Variants in ESRRG observed in about 807,000 individuals in gnomAD.
ESRRG encodes the protein estrogen-related receptor gamma.
Under a neutral mutation model 44.0 loss-of-function variants are expected in ESRRG, and 13 were observed. The observed-to-expected ratio is 0.30, with a 90% confidence interval of 0.19 to 0.47. The LOEUF (loss-of-function observed/expected upper bound fraction) is 0.47, where lower values mean the gene tolerates loss of function less well. Ranked by LOEUF, ESRRG falls within the 20% of genes least tolerant of loss-of-function variation. The pLI is 1.00. For missense variants in ESRRG, 395 were observed against 580.6 expected, an observed-to-expected ratio of 0.68 and a Z score of 3.29; for synonymous variants, 215 against 214.6, an observed-to-expected ratio of 1.00 and a Z score of -0.02.
At chr1:217,044,154 G>A (rs1040179560) in intron 1 of ESRRG, among the ~76,000 whole-genome samples, 2 of 152,118 alleles carry the variant, frequency 1.3e-5, no homozygotes, top group African/African-American at 4.8e-5. Context: ...GAAGCTCAAG[G>A]CACGTCTTCT....
At chr1:216,605,659 T>C (rs1412003124) in intron 3 of ESRRG, among the ~76,000 whole-genome samples, 4 of 152,150 alleles carry the variant, frequency 2.6e-5, no homozygotes, top group African/African-American at 9.7e-5. Context: ...AAAAATTTTG[T>C]GTGGAACTCG....
At chr1:217,082,072 C>T (rs1259890883) in intron 1 of ESRRG, among the ~76,000 whole-genome samples, 9 of 152,210 alleles carry the variant, frequency 5.9e-5, no homozygotes, top group East Asian at 1.9e-4. Context: ...CTACCATCTT[C>T]TATGTCCAGC....
At chr1:216,724,383 G>T (rs532870892), upstream of ESRRG, among the ~76,000 whole-genome samples, 1 of 148,996 alleles carries the variant, frequency 6.7e-6, no homozygotes, top group Admixed American at 6.7e-5. Flanking sequence ...TTTTTGTAGG[G>T]AGAGCATTAC....
chr1:217,059,683 A>G (rs2151330579), intron 1 of ESRRG, among the ~76,000 whole-genome samples: 1 of 152,190 alleles, frequency 6.6e-6, no homozygotes, highest in Non-Finnish European at 1.5e-5. Flanking sequence ...TGCCAAAGGG[A>G]TCAAACCTGA....
At chr1:216,843,182 T>C (rs1285582633) in intron 2 of ESRRG, among the ~76,000 whole-genome samples, 7 of 152,050 alleles carry the variant, frequency 4.6e-5, no homozygotes, top group Non-Finnish European at 7.4e-5. Flanking sequence ...TACAATACTG[T>C]CCCAAGAAAG....
chr1:216,856,352 A>AACACACAC (rs5780935), intron 2 of ESRRG, among the ~76,000 whole-genome samples: 9,912 of 141,858 alleles, frequency 0.07, 385 homozygotes, highest in Non-Finnish European at 0.099. Flanking sequence ...TTCTCTCTTC[A>AACACACAC]ACACACACAC....
chr1:217,035,318 T>TGAA (rs2082695436), intron 1 of ESRRG, among the ~76,000 whole-genome samples: 1 of 23,142 alleles, frequency 4.3e-5, no homozygotes, highest in African/African-American at 1.6e-4. Context: ...AGACTCTGTC[T>TGAA]CAAAAAAAAA....
chr1:216,799,006 G>C (rs2094545130), intron 2 of ESRRG, among the ~76,000 whole-genome samples: 1 of 152,060 alleles, frequency 6.6e-6, no homozygotes, highest in African/African-American at 2.4e-5. Flanking sequence ...AAATGAAGAG[G>C]CTTGGCTATA....
At chr1:216,608,042 T>G (rs1346808261) in intron 3 of ESRRG, among the ~76,000 whole-genome samples, 2 of 152,210 alleles carry the variant, frequency 1.3e-5, no homozygotes, top group Non-Finnish European at 2.9e-5. Context: ...AAAATGGACT[T>G]CATAGTAATC....
intron 2 of ESRRG, among the ~76,000 whole-genome samples, chr1:216,756,217 A>G (rs1235030989): frequency 6.6e-6 from 1 of 152,022 alleles, no homozygotes; most frequent in Non-Finnish European, 1.5e-5. Flanking sequence ...TTCTCTTCCC[A>G]ATCTCATCAA....
intron 5 of ESRRG, among the ~76,000 whole-genome samples, chr1:216,528,399 A>G (rs1391107012): frequency 6.6e-6 from 1 of 152,204 alleles, no homozygotes; most frequent in Non-Finnish European, 1.5e-5. Flanking sequence ...TATATTTATA[A>G]GTAACCATTC....
At position 216,782,244 on chromosome 1, in the gene ESRRG, T is replaced by G. The variant is rs953936384; in HGVS notation, c.-13-104753A>C. 2.0e-5 allele frequency among the ~76,000 whole-genome samples: 3 copies of G among 152,044 alleles called. No homozygotes were observed. In the East Asian group the frequency reaches 5.8e-4, roughly 29 times the overall value. On this transcript the variant is annotated intron_variant, in intron 2 of 7. Transcript: ENST00000359162. ...TATCTGCCCTTTAAATCCCTTTTCT[T>G]TTTGGTCCAGGGACAGATTTGCACT...
rs1408766225 is a variant in ESRRG at position 216,549,827 on chromosome 1, T to A, written c.862+14392A>T. Among the ~76,000 whole-genome samples the A allele has an allele frequency of 2.0e-5, 3 of 152,288 alleles. No individual in the cohort carries two copies. In the South Asian group the frequency reaches 6.2e-4, roughly 32 times the overall value. ...ATACATGAGGATGGCATAAATCACC[T>A]GAAGAGTTCTTGATTGTTTTTGTTT... On this transcript the variant is annotated intron_variant, in intron 5 of 6. Transcript: ENST00000408911.
intron 4 of ESRRG, among the ~76,000 whole-genome samples, chr1:216,565,439 C>T (rs1489614158): frequency 6.6e-6 from 1 of 152,172 alleles, no homozygotes; most frequent in African/African-American, 2.4e-5. Flanking sequence ...TTCTTGTGAA[C>T]ACAGCCAAAG....
chr1:216,539,235 T>A (rs1447506500), intron 5 of ESRRG, among the ~76,000 whole-genome samples: 1 of 151,912 alleles, frequency 6.6e-6, no homozygotes, highest in Non-Finnish European at 1.5e-5. Flanking sequence ...AATCCACATC[T>A]TAGCTAATGG....
rs907374504 is a variant in ESRRG, at chr1:216,504,721, G to C, written c.*2218C>G. The C allele has an allele frequency of 6.6e-6, 1 of 152,526 alleles. No homozygotes were observed. Among genetic ancestry groups the C allele is most frequent in the Non-Finnish European group, 1.5e-5 (1 of 67,998 alleles). The allele number at this position is 152,526 out of a possible 1,614,324, so 9.4% of individuals were successfully genotyped here. On this transcript the variant is annotated 3_prime_UTR_variant, in exon 7 of 7. Transcript: ENST00000408911. ...AAAAATTAGACTTATCTATATTCTT[G>C]AAATATTCAAAGTTTTATTTCTAAG...
At chr1:216,607,432 G>C (rs1167860463) in intron 3 of ESRRG, among the ~76,000 whole-genome samples, 1 of 152,202 alleles carries the variant, frequency 6.6e-6, no homozygotes, top group Non-Finnish European at 1.5e-5. Context: ...GGTCAGGAAG[G>C]CTGGACAGAG....
At chr1:216,913,739 G>A (rs979220535) in intron 2 of ESRRG, among the ~76,000 whole-genome samples, 21 of 152,188 alleles carry the variant, frequency 1.4e-4, no homozygotes, top group African/African-American at 2.2e-4. Flanking sequence ...GATGTAGTGC[G>A]TGTGATAAGC....
At chr1:216,748,441 C>CCT (rs147586096) in intron 2 of ESRRG, among the ~76,000 whole-genome samples, 1 of 151,636 alleles carries the variant, frequency 6.6e-6, no homozygotes, top group Non-Finnish European at 1.5e-5. Context: ...GCTTTCTCTC[C>CCT]CTCTCTCTCT....
Sources: allele counts gnomAD v4.1 joint callset (sites outside exome capture counted in the v4.1 genomes callset), GRCh38; gene constraint gnomAD v4.1.1; transcripts MANE v1.5; gene names NCBI Gene and HGNC (gene_info 2026-07-23, HGNC 2026-07-21).